Variants in MACROD2 observed in about 807,000 individuals in gnomAD.
MACROD2 encodes the protein mono-ADP ribosylhydrolase 2.
MACROD2 carries 36 observed loss-of-function variants against 70.4 expected under a neutral mutation model. The observed-to-expected ratio is 0.51, with a 90% CI of 0.39 to 0.68. The LOEUF (loss-of-function observed/expected upper bound fraction) is 0.68. Ranked by LOEUF, MACROD2 falls within the 30% of genes least tolerant of loss-of-function variation. The probability of loss-of-function intolerance (pLI) is 0.00; values close to 1 mark genes in which losing one functional copy is unlikely to be tolerated. For missense variants in MACROD2, 496 were observed against 538.4 expected (o/e 0.92, Z 0.78); for synonymous variants, 172 against 178.8 (o/e 0.96, Z 0.30).
At chr20:14,524,575 G>T (rs1046817883) in intron 4 of MACROD2, among the ~76,000 whole-genome samples, 4 of 152,124 alleles carry the variant, frequency 2.6e-5, no homozygotes, top group African/African-American at 7.2e-5. Context: ...AGGAGGAAAA[G>T]GAAGGACAGG....
At chr20:14,845,359 C>G (rs2073129220) in intron 5 of MACROD2, among the ~76,000 whole-genome samples, 1 of 151,936 alleles carries the variant, frequency 6.6e-6, no homozygotes, top group Non-Finnish European at 1.5e-5. Flanking sequence ...ATGATATGTT[C>G]TTCTGATGGA....
At chr20:15,524,345 GTCC>G (rs2047691521) in intron 8 of MACROD2, among the ~76,000 whole-genome samples, 1 of 152,030 alleles carries the variant, frequency 6.6e-6, no homozygotes, top group Admixed American at 6.6e-5. Context: ...ACTTGCTAGT[GTCC>G]CTTGGACACA....
intron 3 of MACROD2, among the ~76,000 whole-genome samples, chr20:14,310,022 G>A (rs546810044): frequency 6.6e-6 from 1 of 152,158 alleles, no homozygotes; most frequent in Non-Finnish European, 1.5e-5. Flanking sequence ...GTGTGAGCAT[G>A]GGGGCTTGCT....
chr20:14,652,258 G>A (rs976478105), intron 4 of MACROD2, among the ~76,000 whole-genome samples: 1 of 152,124 alleles, frequency 6.6e-6, no homozygotes, highest in Admixed American at 6.5e-5. Context: ...GACTTTCAGT[G>A]TTCTGGTATT....
chr20:14,755,335 C>T (rs1170560005), intron 5 of MACROD2, among the ~76,000 whole-genome samples: 1 of 152,042 alleles, frequency 6.6e-6, no homozygotes, highest in Non-Finnish European at 1.5e-5. Context: ...TCCTCTGGGG[C>T]ATTTCGGATG....
At position 15,282,557 on chromosome 20, in the gene MACROD2, G is replaced by A. The variant is rs1397124801; in HGVS notation, c.540+52496G>A. On this transcript the variant is annotated intron_variant, in intron 6 of 17. Coordinates refer to ENST00000684519, the MANE Select transcript of MACROD2 (RefSeq NM_001351661.2). ...AAATTCCAGAAATTTCTGGGGCAGA[G>A]GCAAAATGCAGCCAGTCTCTTTGCT... Among the ~76,000 whole-genome samples the A allele has an allele frequency of 2.6e-5, 4 of 152,180 alleles. No individual in the cohort carries two copies. In the East Asian group the frequency reaches 7.7e-4, roughly 29 times the overall value.
intron 6 of MACROD2, among the ~76,000 whole-genome samples, chr20:15,324,591 G>A (rs1034198277): frequency 1.3e-5 from 2 of 152,152 alleles, no homozygotes; most frequent in African/African-American, 4.8e-5. Context: ...GATAGCAAAT[G>A]CTTGAAATTG....
At chr20:15,310,997 A>G (rs974273199) in intron 6 of MACROD2, among the ~76,000 whole-genome samples, 1 of 152,224 alleles carries the variant, frequency 6.6e-6, no homozygotes, top group Non-Finnish European at 1.5e-5. Context: ...TTACTGCCCA[A>G]TAAACCAAAG....
chr20:14,939,195 A>G (rs951338945), intron 5 of MACROD2, among the ~76,000 whole-genome samples: 1 of 151,990 alleles, frequency 6.6e-6, no homozygotes, highest in African/African-American at 2.4e-5. Flanking sequence ...GCATCTCCCC[A>G]AAGTTTTCTT....
intron 4 of MACROD2, among the ~76,000 whole-genome samples, chr20:14,550,732 T>G (rs1368998419): frequency 6.6e-6 from 1 of 152,254 alleles, no homozygotes; most frequent in Non-Finnish European, 1.5e-5. Flanking sequence ...TTACATCTAT[T>G]GTTGCACATC....
intron 8 of MACROD2, among the ~76,000 whole-genome samples, chr20:15,509,398 T>A (rs1297139353): frequency 6.6e-6 from 1 of 152,110 alleles, no homozygotes; most frequent in African/African-American, 2.4e-5. Flanking sequence ...GCAAACTCTT[T>A]AAAATCAAAC....
At chr20:14,757,843 C>A in intron 5 of MACROD2, 1 of 1,519,962 alleles carries the variant, frequency 6.6e-7, no homozygotes. Flanking sequence ...CCACTCTATG[C>A]CGTAGCCGTC....
chr20:14,806,054 C>T (rs182118314), intron 5 of MACROD2, among the ~76,000 whole-genome samples: 2 of 151,766 alleles, frequency 1.3e-5, no homozygotes, highest in East Asian at 1.9e-4. Flanking sequence ...TAAGCACTCA[C>T]TAAAAGATAG....
chr20:15,458,633 TTTTTTTAAA>T (rs773900886), intron 7 of MACROD2, among the ~76,000 whole-genome samples: 2 of 140,892 alleles, frequency 1.4e-5, no homozygotes, highest in Non-Finnish European at 3.0e-5. Context: ...TTTTGTTTTT[TTTTTTTAAA>T]AAAAAAAAAG....
chr20:15,345,894 A>G (rs942046709), intron 6 of MACROD2, among the ~76,000 whole-genome samples: 19 of 152,136 alleles, frequency 1.2e-4, no homozygotes, highest in African/African-American at 4.6e-4. Flanking sequence ...TCCTATGTCA[A>G]TGAGTAGGAG....
intron 3 of MACROD2, among the ~76,000 whole-genome samples, chr20:14,205,507 G>A (rs2081515695): frequency 6.6e-6 from 1 of 152,220 alleles, no homozygotes; most frequent in South Asian, 2.1e-4. Context: ...GCAAATTCCT[G>A]GTGGCTCCAC....
intron 5 of MACROD2, among the ~76,000 whole-genome samples, chr20:15,196,588 A>G (rs2076608304): frequency 6.6e-6 from 1 of 152,192 alleles, no homozygotes; most frequent in African/African-American, 2.4e-5. Context: ...TCTGCATTCT[A>G]AGAGTTGTAA....
At chr20:15,911,707 G>C (rs2147268312) in intron 10 of MACROD2, among the ~76,000 whole-genome samples, 1 of 152,336 alleles carries the variant, frequency 6.6e-6, no homozygotes. Context: ...AAACAAAAGA[G>C]AGAGTGCCAC....
intron 3 of MACROD2, among the ~76,000 whole-genome samples, chr20:14,276,764 A>T (rs1244741395): frequency 6.6e-6 from 1 of 152,200 alleles, no homozygotes; most frequent in Non-Finnish European, 1.5e-5. Flanking sequence ...TAGAACATTA[A>T]GACTATTATT....
Sources: allele counts gnomAD v4.1 joint callset (sites outside exome capture counted in the v4.1 genomes callset), GRCh38; gene constraint gnomAD v4.1.1; transcripts MANE v1.5; gene names NCBI Gene and HGNC (gene_info 2026-07-23, HGNC 2026-07-21).